Variants in KIAA0825 observed in about 807,000 individuals in gnomAD.
The protein encoded by KIAA0825 is KIAA0825.
A neutral mutation model predicts 147.6 loss-of-function variants in KIAA0825; 119 were observed. The observed-to-expected ratio is 0.81, with a 90% confidence interval of 0.69 to 0.94. KIAA0825 has a LOEUF of 0.94. Ranked by LOEUF, KIAA0825 falls within the 40% of genes least tolerant of loss-of-function variation. The pLI is 0.00. For synonymous variants in KIAA0825, 470 were observed against 518.1 expected, an observed-to-expected ratio of 0.91 and a Z score of 1.26; for missense variants, 1,381 against 1,472.7, an observed-to-expected ratio of 0.94 and a Z score of 1.02.
In KIAA0825 at chr5:94,461,652, T is replaced by A. The variant is rs186683721; in HGVS notation, c.2246+735A>T. 2.9e-3 allele frequency among the ~76,000 whole-genome samples: 440 copies of A among 151,996 alleles called. 2 individuals are homozygous for A. Among genetic ancestry groups the A allele is most frequent in the African/African-American group, 0.01 (420 of 41,552 alleles). On this transcript the variant is annotated intron_variant, in intron 12 of 20. Coordinates refer to ENST00000682413, the MANE Select transcript of KIAA0825 (RefSeq NM_001145678.3). ...CAAATGTGTCAAAATGTATTAAAAATTAAGATTTGTATGTCGCTTTTACCA... is the reference window on the plus strand; with the variant it reads ...CAAATGTGTCAAAATGTATTAAAAAATAAGATTTGTATGTCGCTTTTACCA...
At chr5:94,592,946 A>G in intron 1 of KIAA0825, 1 of 566,556 alleles carries the variant, frequency 1.8e-6, no homozygotes, top group Admixed American at 2.7e-5. Flanking sequence ...GAAAGAAACA[A>G]AATCATACTT....
At chr5:94,528,990 G>A (rs1769971984) in intron 3 of KIAA0825, among the ~76,000 whole-genome samples, 1 of 151,582 alleles carries the variant, frequency 6.6e-6, no homozygotes, top group East Asian at 1.9e-4. Context: ...GAGAGTGGGA[G>A]AATGTACGTA....
rs1488990728 is a variant in KIAA0825, at chr5:94,151,403, G to C, written c.*2604C>G. Among the ~76,000 whole-genome samples the C allele has an allele frequency of 1.8e-5, 2 of 111,652 alleles. No individual in the cohort carries two copies. The highest frequency in any genetic ancestry group is 1.4e-4 in the Admixed American group (1 of 7,060). 73.2% of individuals were successfully genotyped at this position (111,652 alleles called of 152,430 possible). ...CTGCAGTCCGCAGTCCGGCCTGGGC[G>C]ACAGAGCGAGACTCCGTCTCAAAAA... On this transcript the variant is annotated 3_prime_UTR_variant, in exon 21 of 21. Coordinates refer to ENST00000682413, the MANE Select transcript of KIAA0825 (RefSeq NM_001145678.3).
intron 18 of KIAA0825, among the ~76,000 whole-genome samples, chr5:94,387,674 G>A (rs1208418544): frequency 1.3e-5 from 2 of 150,896 alleles, no homozygotes; most frequent in East Asian, 1.9e-4. Flanking sequence ...CAGCCTGGGC[G>A]ACAGAGAGAC....
chr5:94,396,015 A>G (rs1562455018), intron 17 of KIAA0825, 86 bp downstream of exon 17: 1 of 1,251,538 alleles, frequency 8.0e-7, no homozygotes, highest in Non-Finnish European at 1.1e-6. Flanking sequence ...ACTGCTGCCC[A>G]TCTGACAATA....
At chr5:94,362,704 G>A (rs1179263954) in intron 20 of KIAA0825, among the ~76,000 whole-genome samples, 3 of 148,678 alleles carry the variant, frequency 2.0e-5, no homozygotes, top group Non-Finnish European at 3.0e-5. Flanking sequence ...TGAGTTCCTT[G>A]ACAGCAGGGG....
chr5:94,262,226 C>G (rs1776529313), intron 20 of KIAA0825, among the ~76,000 whole-genome samples: 1 of 151,796 alleles, frequency 6.6e-6, no homozygotes, highest in Admixed American at 6.6e-5. Context: ...AAAGGAAATA[C>G]AAATTAAAAT....
At chr5:94,266,636 C>T (rs1268931790) in intron 20 of KIAA0825, among the ~76,000 whole-genome samples, 2 of 152,116 alleles carry the variant, frequency 1.3e-5, no homozygotes, top group African/African-American at 4.8e-5. Flanking sequence ...AGTGCAGAAG[C>T]AGACATGATA....
At chr5:94,442,190 T>C (rs1316121795) in intron 13 of KIAA0825, among the ~76,000 whole-genome samples, 1 of 152,074 alleles carries the variant, frequency 6.6e-6, no homozygotes, top group Non-Finnish European at 1.5e-5. Flanking sequence ...AGACACAAAA[T>C]GAAAAAGTCT....
intron 1 of KIAA0825, among the ~76,000 whole-genome samples, chr5:94,600,583 C>T (rs114859548): frequency 0.012 from 1,896 of 152,108 alleles, 48 homozygotes; most frequent in African/African-American, 0.044. Context: ...GTATTACCAC[C>T]ATAACTTGAT....
chr5:94,376,213 G>GCTAAT (rs1747547112), intron 20 of KIAA0825, among the ~76,000 whole-genome samples: 1 of 152,136 alleles, frequency 6.6e-6, no homozygotes, highest in Admixed American at 6.5e-5. Flanking sequence ...TATTATTACA[G>GCTAAT]TAAATATGCA....
At chr5:94,232,100 CTGGAT>C (rs1170133330) in intron 20 of KIAA0825, among the ~76,000 whole-genome samples, 3 of 151,964 alleles carry the variant, frequency 2.0e-5, no homozygotes, top group Admixed American at 2.0e-4. Context: ...AGAAAATGAG[CTGGAT>C]TGCCAACTCA....
At chr5:94,205,493 A>G (rs769056380) in intron 20 of KIAA0825, among the ~76,000 whole-genome samples, 81 of 151,676 alleles carry the variant, frequency 5.3e-4, no homozygotes, top group Admixed American at 1.8e-3. Flanking sequence ...GGGTTTCACC[A>G]TGTTAGCCAG....
rs138110258 is a variant in KIAA0825, at chr5:94,488,646, T to C, written c.971-3716A>G. Among the ~76,000 whole-genome samples, 335 of 152,290 alleles carry C rather than the reference T, an allele frequency of 2.2e-3. 1 individual carries two copies. The highest frequency in any genetic ancestry group is 7.4e-3 in the African/African-American group (308 of 41,566). On this transcript the variant is annotated intron_variant, in intron 5 of 20. Coordinates refer to ENST00000682413, the MANE Select transcript of KIAA0825 (RefSeq NM_001145678.3). ...GTGTATTTAAAACAATGTAAATTTT[T>C]CTTCATGATAGAGTTATAATGAAAG...
intron 2 of KIAA0825, among the ~76,000 whole-genome samples, chr5:94,572,667 CTA>C (rs768830935): frequency 2.6e-5 from 4 of 151,988 alleles, no homozygotes; most frequent in Admixed American, 6.6e-5. Context: ...AATTGTAGAA[CTA>C]TATATACAGC....
chr5:94,596,871 C>T (rs1381699810), intron 1 of KIAA0825, among the ~76,000 whole-genome samples: 2 of 151,832 alleles, frequency 1.3e-5, no homozygotes, highest in Non-Finnish European at 2.9e-5. Flanking sequence ...GATTTGGCAC[C>T]ATGCTTGGTT....
At chr5:94,330,689 T>C (rs1781175092) in intron 20 of KIAA0825, among the ~76,000 whole-genome samples, 2 of 149,864 alleles carry the variant, frequency 1.3e-5, no homozygotes, top group Admixed American at 1.3e-4. Flanking sequence ...ATGAAAAGAA[T>C]AGAAACCAAT....
chr5:94,168,667 AAGGC>A (rs1163915265), intron 20 of KIAA0825, among the ~76,000 whole-genome samples: 2 of 152,206 alleles, frequency 1.3e-5, no homozygotes, highest in African/African-American at 2.4e-5. Context: ...GTTTAGATAG[AAGGC>A]CAAGGTCATA....
chr5:94,501,124 C>T (rs913651253), intron 5 of KIAA0825, among the ~76,000 whole-genome samples: 5 of 152,088 alleles, frequency 3.3e-5, no homozygotes, highest in Non-Finnish European at 5.9e-5. Context: ...ATATGAGGCA[C>T]ATTAAAGATA....
Sources: allele counts gnomAD v4.1 joint callset (sites outside exome capture counted in the v4.1 genomes callset), GRCh38; gene constraint gnomAD v4.1.1; transcripts MANE v1.5; gene names NCBI Gene and HGNC (gene_info 2026-07-23, HGNC 2026-07-21).